Variants in GSTO1 observed in about 807,000 individuals in gnomAD.
The protein encoded by GSTO1 is glutathione S-transferase omega 1, also known as glutathione S-transferase omega-1.
A neutral mutation model predicts 23.8 loss-of-function variants in GSTO1; 27 were observed. The observed-to-expected ratio is 1.13, with a 90% CI of 0.83 to 1.56. The LOEUF (loss-of-function observed/expected upper bound fraction) is 1.56. Among genes scored for constraint, GSTO1 ranks in the 40% most tolerant of loss-of-function variants. The probability of loss-of-function intolerance (pLI) is 0.00; values close to 1 mark genes in which losing one functional copy is unlikely to be tolerated. For missense variants in GSTO1, 255 were observed against 285.8 expected, an observed-to-expected ratio of 0.89 and a Z score of 0.78; for synonymous variants, 105 against 109.3, an observed-to-expected ratio of 0.96 and a Z score of 0.25.
chr10:104,254,559 G>A (rs1453171016), upstream of GSTO1: 5 of 369,746 alleles, frequency 1.4e-5, no homozygotes, highest in African/African-American at 1.1e-4. Context: ...GGGACGGAGC[G>A]GGTGGTGCTT....
At chr10:104,259,856 C>T in intron 3 of GSTO1, 58 bp downstream of exon 3, 1 of 1,074,336 alleles carries the variant, frequency 9.3e-7, no homozygotes, top group African/African-American at 1.6e-5. Context: ...AAAGCGAAAT[C>T]AGTGCTGCCA....
chr10:104,266,020 G>A, intron 4 of GSTO1, 64 bp from the exon 5 acceptor site: 3 of 846,976 alleles, frequency 3.5e-6, no homozygotes, highest in Non-Finnish European at 6.0e-6. Flanking sequence ...TTTCCCTTCA[G>A]CATTTCTAGT....
rs569078810 is a variant in GSTO1, at chr10:104,260,483, T to C, written c.366+685T>C. 5.9e-5 allele frequency among the ~76,000 whole-genome samples: 9 copies of C among 152,346 alleles called. No individual in the cohort carries two copies. In the South Asian group the frequency reaches 6.2e-4, roughly 11 times the overall value. On this transcript the variant is annotated intron_variant, in intron 3 of 5. Transcript: ENST00000369713. Reference sequence around the variant, plus strand: ...ATGGGAACTACTTAATTCTTGTCCTTATAGCCATAGCATCAAGCAGTGAGC... The same window carrying C: ...ATGGGAACTACTTAATTCTTGTCCTCATAGCCATAGCATCAAGCAGTGAGC...
At chr10:104,266,911 G>A (rs17116755) in intron 5 of GSTO1, among the ~76,000 whole-genome samples, 2 of 151,988 alleles carry the variant, frequency 1.3e-5, no homozygotes, top group Non-Finnish European at 2.9e-5. Context: ...GCTATTCAGG[G>A]TTACTTTTGG....
rs767202178 is a variant in GSTO1, at chr10:104,254,969, C to A, written c.34+7C>A. The A allele has an allele frequency of 1.7e-5, 27 of 1,606,766 alleles. No homozygotes were observed. The highest frequency in any genetic ancestry group is 2.2e-5 in the East Asian group (1 of 44,582). On this transcript the variant is annotated splice_region_variant and intron_variant, in intron 1 of 5. Coordinates refer to ENST00000369713, the MANE Select transcript of GSTO1 (RefSeq NM_004832.3). ...GCCAGGAGCTTGGGGAAGGGTGAGG[C>A]CTGCCCGCCGCGAAGAGGGGGTGAT...
intron 3 of GSTO1, among the ~76,000 whole-genome samples, chr10:104,260,713 T>A (rs940413438): frequency 2.0e-5 from 3 of 152,086 alleles, no homozygotes; most frequent in Admixed American, 2.0e-4. Flanking sequence ...GGTAGTACGG[T>A]CAGTATATAA....
At chr10:104,258,713 G>A (rs542337792) in intron 2 of GSTO1, among the ~76,000 whole-genome samples, 1 of 152,138 alleles carries the variant, frequency 6.6e-6, no homozygotes, top group African/African-American at 2.4e-5. Flanking sequence ...AATTAGCTGG[G>A]TGTGATGGTG....
intron 2 of GSTO1, among the ~76,000 whole-genome samples, 194 bp downstream of exon 2, chr10:104,255,465 A>G (rs1348862392): frequency 6.6e-6 from 1 of 152,186 alleles, no homozygotes; most frequent in Non-Finnish European, 1.5e-5. Context: ...ACAGATTCCA[A>G]CGGTCTAGGA....
intron 3 of GSTO1, 65 bp downstream of exon 3, chr10:104,259,863 G>T (rs2011124707): frequency 2.0e-6 from 2 of 1,000,418 alleles, no homozygotes; most frequent in Non-Finnish European, 3.2e-6. Flanking sequence ...AATCAGTGCT[G>T]CCATTTATGG....
intron 2 of GSTO1, 99 bp from the exon 3 acceptor site, chr10:104,259,477 G>T (rs1055071573): frequency 2.1e-5 from 14 of 676,338 alleles, no homozygotes; most frequent in Non-Finnish European, 3.1e-5. Flanking sequence ...TCCTAAATTT[G>T]GGGTCTGATC....
intron 4 of GSTO1, 127 bp from the exon 5 acceptor site, chr10:104,265,957 A>C (rs2011176891): frequency 1.9e-6 from 1 of 531,086 alleles, no homozygotes; most frequent in Non-Finnish European, 3.5e-6. Flanking sequence ...TCAGAAAAAA[A>C]CCCAACTTGG....
Position 104,267,333 on chromosome 10 carries a change from T to C in GSTO1, c.654T>C (p.Ser218=). 1 of 1,613,576 alleles carries C rather than the reference T, an allele frequency of 6.2e-7. No homozygotes were observed. The highest frequency in any genetic ancestry group is 1.1e-5 in the South Asian group (1 of 91,070). Residue 218 remains serine, a synonymous_variant, in exon 6 of 6, where the codon AGT becomes AGC. Transcript: ENST00000369713. The part of the protein sequence containing the change: ...EDPTVSALLT[S]EKDWQGFLEL... ...CCACAGTCTCAGCCCTGCTTACTAGTGAGAAAGACTGGCAAGGTTTCCTAG... is the reference window on the plus strand; with the variant it reads ...CCACAGTCTCAGCCCTGCTTACTAGCGAGAAAGACTGGCAAGGTTTCCTAG...
At chr10:104,256,010 G>A (rs948081548) in intron 2 of GSTO1, among the ~76,000 whole-genome samples, 1 of 152,188 alleles carries the variant, frequency 6.6e-6, no homozygotes, top group African/African-American at 2.4e-5. Flanking sequence ...GGAAGGTTCT[G>A]TGGAAGTTTA....
chr10:104,259,134 A>G (rs963419203), intron 2 of GSTO1, among the ~76,000 whole-genome samples: 1 of 152,232 alleles, frequency 6.6e-6, no homozygotes, highest in Non-Finnish European at 1.5e-5. Context: ...TGATTCAGCA[A>G]TCTCACTACT....
intron 3 of GSTO1, among the ~76,000 whole-genome samples, chr10:104,260,901 TA>T (rs1215261066): frequency 6.6e-6 from 1 of 152,094 alleles, no homozygotes; most frequent in African/African-American, 2.4e-5. Flanking sequence ...AAAGATAATG[TA>T]AAGGGAACAT....
intron 4 of GSTO1, among the ~76,000 whole-genome samples, chr10:104,263,915 A>ATT (rs571250429): frequency 6.8e-6 from 1 of 146,964 alleles, no homozygotes; most frequent in African/African-American, 2.5e-5. Context: ...CTATTGACAA[A>ATT]TTTTTTTTTT....
chr10:104,254,683 CTT>C, upstream of GSTO1: 2 of 587,206 alleles, frequency 3.4e-6, no homozygotes, highest in South Asian at 3.9e-5. Flanking sequence ...GCATTTATAA[CTT>C]TTGTGTATCT....
intron 4 of GSTO1, among the ~76,000 whole-genome samples, chr10:104,264,544 A>C (rs17116741): frequency 0.074 from 11,248 of 152,280 alleles, 1,393 homozygotes; most frequent in African/African-American, 0.26. Flanking sequence ...TCGCCTTCTT[A>C]AAATTTCAGA....
intron 3 of GSTO1, 37 bp downstream of exon 3, chr10:104,259,835 A>T: frequency 7.0e-7 from 1 of 1,435,744 alleles, no homozygotes; most frequent in Non-Finnish European, 9.8e-7. Context: ...TATTTGAAAA[A>T]CCTGTTTTTT....
Sources: allele counts gnomAD v4.1 joint callset (sites outside exome capture counted in the v4.1 genomes callset), GRCh38; gene constraint gnomAD v4.1.1; transcripts MANE v1.5; gene names NCBI Gene and HGNC (gene_info 2026-07-23, HGNC 2026-07-21).